Variants in RAB3GAP2 observed in about 807,000 individuals in gnomAD.
RAB3GAP2 encodes RAB3 GTPase activating non-catalytic protein subunit 2, also known as rab3 GTPase-activating protein non-catalytic subunit.
RAB3GAP2 carries 87 observed loss-of-function variants against 185.3 expected under a neutral mutation model. That is an observed-to-expected ratio of 0.47 (90% CI 0.39 to 0.56). The LOEUF is 0.56. RAB3GAP2 is among the 20% of genes least tolerant of loss of function. The pLI is 0.00. For synonymous variants in RAB3GAP2, 554 were observed against 576.1 expected (o/e 0.96, Z 0.55); for missense variants, 1,492 against 1,638.2 (o/e 0.91, Z 1.54).
At chr1:220,227,953 A>G (rs1659431488) in intron 2 of RAB3GAP2, among the ~76,000 whole-genome samples, 1 of 152,188 alleles carries the variant, frequency 6.6e-6, no homozygotes, top group African/African-American at 2.4e-5. Flanking sequence ...GGGTTTTGCC[A>G]CGTTGGCCAG....
chr1:220,195,428 A>C, intron 10 of RAB3GAP2, 51 bp from the exon 11 acceptor site: 2 of 1,447,706 alleles, frequency 1.4e-6, no homozygotes, highest in South Asian at 2.3e-5. Context: ...ACAAAGAAAC[A>C]AACATACTTT....
chr1:220,154,721 C>CTTTT (rs368964533), intron 31 of RAB3GAP2, among the ~76,000 whole-genome samples: 3 of 133,362 alleles, frequency 2.2e-5, no homozygotes, highest in East Asian at 4.4e-4. Flanking sequence ...ACCCTGAATC[C>CTTTT]TTTTTTTTTT....
intron 27 of RAB3GAP2, 50 bp from the exon 28 acceptor site, chr1:220,162,318 T>C: frequency 1.6e-6 from 2 of 1,239,884 alleles, no homozygotes; most frequent in South Asian, 2.4e-5. Flanking sequence ...AGTCTCACTT[T>C]TATTACACAT....
At chr1:220,151,822 A>G in intron 33 of RAB3GAP2, 58 bp from the exon 34 acceptor site, 1 of 1,519,562 alleles carries the variant, frequency 6.6e-7, no homozygotes, top group Non-Finnish European at 9.1e-7. Flanking sequence ...TGTTTATTCT[A>G]TAGGAAAGGG....
At chr1:220,180,084 C>A (rs1223998537) in intron 21 of RAB3GAP2, among the ~76,000 whole-genome samples, 2 of 152,110 alleles carry the variant, frequency 1.3e-5, no homozygotes, top group Non-Finnish European at 2.9e-5. Context: ...ATCGCTTGAA[C>A]CCAGGAGGCG....
At chr1:220,206,033 T>C (rs1321243623) in intron 7 of RAB3GAP2, 27 bp from the exon 8 acceptor site, 2 of 1,357,760 alleles carry the variant, frequency 1.5e-6, no homozygotes, top group Admixed American at 1.9e-5. Context: ...AAAAAAAAGT[T>C]CTTGAATAGA....
intron 33 of RAB3GAP2, among the ~76,000 whole-genome samples, chr1:220,152,401 T>C (rs1191249412): frequency 6.6e-6 from 1 of 152,222 alleles, no homozygotes; most frequent in African/African-American, 2.4e-5. Flanking sequence ...TGAATACACT[T>C]AGAATAACCA....
rs1239133789 is a variant in RAB3GAP2 at position 220,190,050 on chromosome 1, G to A, written c.1714+14C>T. On this transcript the variant is annotated intron_variant, in intron 16 of 34. Transcript: ENST00000358951. Reference sequence around the variant, plus strand: ...GAACAATATGCTTTATTATTTGTATGAGAGAATACCTACCAAGATTGGGAG... The same window carrying A: ...GAACAATATGCTTTATTATTTGTATAAGAGAATACCTACCAAGATTGGGAG... 1 of 1,566,008 alleles carries A rather than the reference G, an allele frequency of 6.4e-7. No homozygotes were observed. The highest frequency in any genetic ancestry group is 2.2e-5 in the East Asian group (1 of 44,564).
At chr1:220,213,422 T>C (rs1452963013) in intron 3 of RAB3GAP2, among the ~76,000 whole-genome samples, 1 of 152,042 alleles carries the variant, frequency 6.6e-6, no homozygotes, top group Admixed American at 6.6e-5. Flanking sequence ...AAAACCTCAA[T>C]TTTAATCTTC....
In RAB3GAP2 at chr1:220,200,526, G is replaced by A. The variant is rs758918524; in HGVS notation, c.811+1750C>T. The A allele has an allele frequency of 6.5e-5, 34 of 523,284 alleles. No individual in the cohort carries two copies. The East Asian group carries it at 7.1e-4, about 11-fold the overall frequency. The allele number at this position is 523,284 out of a possible 1,614,324, so 32.4% of individuals were successfully genotyped here. On this transcript the variant is annotated intron_variant, in intron 9 of 34. Coordinates refer to ENST00000358951, the MANE Select transcript of RAB3GAP2 (RefSeq NM_012414.4). Reference sequence around the variant, plus strand: ...TACATAAAGATGTACATACAATAACGTTTATTGTACCTTTTTTCATTTTGT... The same window carrying A: ...TACATAAAGATGTACATACAATAACATTTATTGTACCTTTTTTCATTTTGT...
intron 1 of RAB3GAP2, among the ~76,000 whole-genome samples, chr1:220,257,386 AC>A (rs1188532158): frequency 6.6e-5 from 10 of 152,034 alleles, no homozygotes; most frequent in African/African-American, 1.7e-4. Context: ...TCAAAAAAAA[AC>A]AAAACAAAAA....
intron 15 of RAB3GAP2, 51 bp downstream of exon 15, chr1:220,190,326 T>C (rs371726144): frequency 3.7e-5 from 59 of 1,611,528 alleles, no homozygotes; most frequent in East Asian, 3.6e-4. Context: ...ACCTAGGAAC[T>C]AGGAAAAGTT....
chr1:220,257,877 T>C (rs1330442945), intron 1 of RAB3GAP2, among the ~76,000 whole-genome samples: 1 of 151,800 alleles, frequency 6.6e-6, no homozygotes, highest in East Asian at 1.9e-4. Flanking sequence ...ATAAACACAA[T>C]ATGAAATGAT....
intron 1 of RAB3GAP2, among the ~76,000 whole-genome samples, chr1:220,252,302 G>C (rs535775679): frequency 6.6e-6 from 1 of 151,848 alleles, no homozygotes; most frequent in Non-Finnish European, 1.5e-5. Context: ...ATAAAAATGA[G>C]ATCACAATAT....
At chr1:220,221,899 G>A (rs938732463) in intron 2 of RAB3GAP2, among the ~76,000 whole-genome samples, 5 of 152,194 alleles carry the variant, frequency 3.3e-5, no homozygotes, top group South Asian at 4.1e-4. Context: ...TAGTACTTAC[G>A]TAGTCACTGA....
At chr1:220,235,009 TAAG>T (rs1221071960) in intron 1 of RAB3GAP2, among the ~76,000 whole-genome samples, 1 of 152,202 alleles carries the variant, frequency 6.6e-6, no homozygotes. Flanking sequence ...TTGGAGAGTT[TAAG>T]TAGTTCGACC....
At position 220,151,213 on chromosome 1, in the gene RAB3GAP2, TATA is replaced by T. The variant is rs1558136316; in HGVS notation, c.*35_*37del. 6.3e-7 allele frequency: 1 copy of T among 1,594,218 alleles called. No homozygotes were observed. Among genetic ancestry groups the T allele is most frequent in the East Asian group, 2.2e-5 (1 of 44,758 alleles). ...AAAATAACCATGCACTACTTCATGTTATAATCATAATTTTAGACTATTTCCAGT... is the reference window on the plus strand; with the variant it reads ...AAAATAACCATGCACTACTTCATGTTATCATAATTTTAGACTATTTCCAGT... On this transcript the variant is annotated 3_prime_UTR_variant, in exon 35 of 35. Transcript: ENST00000358951.
chr1:220,162,466 G>T (rs1387108071), intron 27 of RAB3GAP2, among the ~76,000 whole-genome samples, 198 bp from the exon 28 acceptor site: 1 of 152,146 alleles, frequency 6.6e-6, no homozygotes, highest in Non-Finnish European at 1.5e-5. Context: ...GAACTAGGCT[G>T]TATAAGAGTA....
intron 1 of RAB3GAP2, among the ~76,000 whole-genome samples, chr1:220,255,055 T>C (rs565770999): frequency 2.0e-5 from 3 of 151,990 alleles, no homozygotes; most frequent in African/African-American, 7.2e-5. Flanking sequence ...TGTTGAAGAA[T>C]GGTGGCTTGT....
Sources: gnomAD v4.1 joint callset for allele counts (sites outside exome capture counted in the v4.1 genomes callset) on GRCh38, gnomAD v4.1.1 for gene constraint, MANE v1.5 for transcripts, NCBI Gene and HGNC (gene_info 2026-07-23, HGNC 2026-07-21) for gene names.